The following TTC13 variants were observed in gnomAD, a reference collection of about 807,000 sequenced individuals.
The protein encoded by TTC13 is tetratricopeptide repeat protein 13.
Under a neutral mutation model 120.0 loss-of-function variants are expected in TTC13, and 62 were observed. The ratio of observed to expected loss-of-function variants is 0.52; its 90% CI spans 0.42 to 0.64. The LOEUF is 0.64. Among genes scored for constraint, TTC13 ranks in the 30% least tolerant of loss-of-function variants. The pLI is 0.00. For synonymous variants in TTC13, 384 were observed against 393.5 expected (o/e 0.98, Z 0.28); for missense variants, 824 against 1,050.2 (o/e 0.78, Z 2.98).
At chr1:230,949,801 ATG>A (rs1675385112) in intron 4 of TTC13, among the ~76,000 whole-genome samples, 2 of 152,142 alleles carry the variant, frequency 1.3e-5, no homozygotes, top group Admixed American at 1.3e-4. Flanking sequence ...GCCAGCCACC[ATG>A]CCCAGCTAAT....
chr1:230,935,848 T>C (rs921493091), intron 8 of TTC13, among the ~76,000 whole-genome samples: 5 of 152,192 alleles, frequency 3.3e-5, no homozygotes, highest in African/African-American at 9.7e-5. Context: ...CTCAAACTAA[T>C]AAAGTGTCTC....
chr1:230,921,572 T>C, intron 15 of TTC13, 68 bp from the exon 16 acceptor site: 2 of 781,896 alleles, frequency 2.6e-6, no homozygotes, highest in African/African-American at 1.9e-5. Context: ...AACATCTAAT[T>C]TCAAAGTTAA....
chr1:230,924,010 G>C, intron 14 of TTC13, 77 bp from the exon 15 acceptor site: 1 of 1,153,638 alleles, frequency 8.7e-7, no homozygotes, highest in Non-Finnish European at 1.3e-6. Flanking sequence ...TGTTTGCAAA[G>C]GTGGGGATAA....
At chr1:230,935,584 G>A (rs1673964850) in intron 8 of TTC13, among the ~76,000 whole-genome samples, 1 of 152,162 alleles carries the variant, frequency 6.6e-6, no homozygotes, top group South Asian at 2.1e-4. Context: ...GCATGGGTGG[G>A]TGCAGTGGAG....
At chr1:230,971,957 T>C (rs1199521797) in intron 1 of TTC13, among the ~76,000 whole-genome samples, 1 of 152,210 alleles carries the variant, frequency 6.6e-6, no homozygotes, top group East Asian at 1.9e-4. Context: ...GCAGACAACA[T>C]CAACTCCACA....
At chr1:230,960,506 G>A (rs561074147) in intron 2 of TTC13, among the ~76,000 whole-genome samples, 12 of 151,278 alleles carry the variant, frequency 7.9e-5, no homozygotes, top group East Asian at 1.9e-4. Flanking sequence ...AAAAGCAGAC[G>A]ATCATTCTCT....
intron 20 of TTC13, among the ~76,000 whole-genome samples, chr1:230,910,478 C>T (rs1015154199): frequency 6.6e-6 from 1 of 152,102 alleles, no homozygotes; most frequent in Non-Finnish European, 1.5e-5. Flanking sequence ...CTAGCTGTGG[C>T]GGGTACAGGG....
chr1:230,940,708 G>T lies in TTC13; in HGVS notation c.673-152C>A. Reference sequence around the variant, plus strand: ...TTGACCCCCTATATTATGCGGTGGGGTTCAAAGTCAACCAGCTGAGGTGCC... The same window carrying T: ...TTGACCCCCTATATTATGCGGTGGGTTTCAAAGTCAACCAGCTGAGGTGCC... On this transcript the variant is annotated intron_variant, in intron 6 of 22. Transcript: ENST00000366661. This position sits in a 1 kb window ranked among gnomAD's most constrained non-coding sequence, Gnocchi z 4.1. 1 of 562,920 alleles carries T rather than the reference G, an allele frequency of 1.8e-6. No homozygotes were observed. Among genetic ancestry groups the T allele is most frequent in the Non-Finnish European group, 3.2e-6 (1 of 314,374 alleles). 34.9% of individuals were successfully genotyped at this position (562,920 alleles called of 1,614,324 possible). A position where few individuals can be genotyped will look rare whatever the true frequency, so the allele number is the denominator to read the frequency against.
intron 1 of TTC13, among the ~76,000 whole-genome samples, chr1:230,962,181 G>C (rs1369518985): frequency 6.7e-6 from 1 of 150,176 alleles, no homozygotes; most frequent in East Asian, 2.0e-4. Flanking sequence ...TTGCACTCCA[G>C]CCTGGGCAAC....
chr1:230,915,795 C>CTA (rs1216857934), intron 18 of TTC13, among the ~76,000 whole-genome samples: 27 of 148,042 alleles, frequency 1.8e-4, no homozygotes, highest in South Asian at 8.5e-4. Context: ...CTCTCTCTCT[C>CTA]TCTATATATA....
chr1:230,929,322 A>ATTTT (rs66812339), intron 11 of TTC13, among the ~76,000 whole-genome samples: 19,207 of 144,290 alleles, frequency 0.13, 1,479 homozygotes, highest in Middle Eastern at 0.16. Flanking sequence ...CTTTGGCTAC[A>ATTTT]TTTTTTTTTT....
At position 230,952,844 on chromosome 1, in the gene TTC13, A is replaced by C. The variant is rs143613224; in HGVS notation, c.513+1489T>G. Among the ~76,000 whole-genome samples, 248 of 152,344 alleles carry C rather than the reference A, an allele frequency of 1.6e-3. 1 individual carries two copies. Among genetic ancestry groups the C allele is most frequent in the African/African-American group, 5.3e-3 (220 of 41,580 alleles). ...AAGGCATAAATAAAAAATTTAAACAATGTTAAAGTGGCAGAATTCGGAAAT... is the reference window on the plus strand; with the variant it reads ...AAGGCATAAATAAAAAATTTAAACACTGTTAAAGTGGCAGAATTCGGAAAT... On this transcript the variant is annotated intron_variant, in intron 4 of 22. Coordinates refer to ENST00000366661, the MANE Select transcript of TTC13 (RefSeq NM_024525.5).
rs1415736073 is a variant in TTC13, at chr1:230,928,943, T to C, written c.1451A>G (p.His484Arg). ...DYEEQPGLQP[H>R]IKDVLHQNFE... The stretch of plus-strand genomic sequence containing the variant: ...CTTCATTTAAAGCACTTACTTTATG[T>C]GGGGTTGCAACCCTGGCTGCTCTTC... Residue 484 changes from histidine (H) to arginine (R), a missense_variant, in exon 12 of 23, where the codon CAC becomes CGC. Around this residue, in one of 4 missense-constraint regions of TTC13, gnomAD observed 430 missense variants for 626.8 expected, o/e 0.69. Coordinates refer to ENST00000366661, the MANE Select transcript of TTC13 (RefSeq NM_024525.5). 1 of 1,613,870 alleles carries C rather than the reference T, an allele frequency of 6.2e-7. No individual in the cohort carries two copies.
intron 1 of TTC13, among the ~76,000 whole-genome samples, chr1:230,968,041 C>A (rs948216519): frequency 6.6e-6 from 1 of 152,166 alleles, no homozygotes. Flanking sequence ...CTCTTAAGTT[C>A]TCATGGCCTC....
chr1:230,974,400 A>G (rs986040598), intron 1 of TTC13, among the ~76,000 whole-genome samples: 1 of 152,224 alleles, frequency 6.6e-6, no homozygotes, highest in African/African-American at 2.4e-5. Flanking sequence ...CGTATGTGTG[A>G]GAATGGTCCC....
intron 2 of TTC13, among the ~76,000 whole-genome samples, chr1:230,959,771 A>G (rs1206998960): frequency 1.3e-5 from 2 of 152,240 alleles, no homozygotes. Context: ...TTGAGAAGCT[A>G]TGCTCAAGTA....
rs750974366 is a variant in TTC13 at position 230,908,737 on chromosome 1, C to T, written c.2443G>A (p.Ala815Thr). ...CTTTTCAAGTTCATCCAGCTTTTGG[C>T]GACTTTGCTAAAGGCCTCTGAACCA... ...APGSEAFSKV[A>T]KSWMNLKSIS... The change falls in exon 22 of 23, where the codon GCC (alanine) becomes ACC (threonine). Residue 815 changes from alanine (A) to threonine (T), a missense_variant. Transcript: ENST00000366661. 6.2e-6 allele frequency: 10 copies of T among 1,613,436 alleles called. No individual in the cohort carries two copies. The highest frequency in any genetic ancestry group is 1.1e-5 in the South Asian group (1 of 91,056).
Position 230,906,769 on chromosome 1 carries a change from T to C in TTC13, c.*136A>G, listed in dbSNP as rs1670969860. On this transcript the variant is annotated 3_prime_UTR_variant, in exon 23 of 23. Transcript: ENST00000366661. ...TGGTTCAGAAAAGTAAAGAAAATGATTTCAAGTATTCAATTCCTATAAAAA... is the reference window on the plus strand; with the variant it reads ...TGGTTCAGAAAAGTAAAGAAAATGACTTCAAGTATTCAATTCCTATAAAAA... The C allele has an allele frequency of 2.4e-6, 1 of 411,836 alleles. No individual in the cohort carries two copies. The highest frequency in any genetic ancestry group is 9.6e-5 in the South Asian group (1 of 10,462). The allele number at this position is 411,836 out of a possible 1,614,324, so 25.5% of individuals were successfully genotyped here. A position where few individuals can be genotyped will look rare whatever the true frequency, so the allele number is the denominator to read the frequency against.
intron 5 of TTC13, among the ~76,000 whole-genome samples, chr1:230,945,156 A>G (rs575986659): frequency 5.9e-5 from 9 of 152,310 alleles, no homozygotes; most frequent in Non-Finnish European, 1.2e-4. Flanking sequence ...GAAAGCAAGC[A>G]GGGTCTCATG....
Sources: gnomAD v4.1 joint callset for allele counts (sites outside exome capture counted in the v4.1 genomes callset) on GRCh38, gnomAD v4.1.1 for gene constraint, gnomAD v4.1.1 regional missense constraint, Gnocchi (gnomAD v3.1) non-coding constraint, MANE v1.5 for transcripts, NCBI Gene and HGNC (gene_info 2026-07-23, HGNC 2026-07-21) for gene names.